The following DAB1 variants were observed in gnomAD, a reference collection of about 807,000 sequenced individuals.
DAB1 encodes the protein DAB adaptor protein 1.
Under a neutral mutation model 64.6 loss-of-function variants are expected in DAB1, and 15 were observed. The ratio of observed to expected loss-of-function variants is 0.23; its 90% CI spans 0.16 to 0.36. The LOEUF (loss-of-function observed/expected upper bound fraction) is 0.36. DAB1 is among the 10% of genes least tolerant of loss of function. The pLI, the probability that DAB1 is intolerant of heterozygous loss-of-function variation, is 1.00. For missense variants in DAB1, 596 were observed against 706.7 expected, an observed-to-expected ratio of 0.84 and a Z score of 1.78; for synonymous variants, 235 against 251.9, an observed-to-expected ratio of 0.93 and a Z score of 0.64.
intron 7 of DAB1, among the ~76,000 whole-genome samples, chr1:57,579,519 A>G (rs963418538): frequency 1.3e-5 from 2 of 152,168 alleles, no homozygotes; most frequent in African/African-American, 4.8e-5. Context: ...AATTAACATG[A>G]CTATTTTTAT....
intron 2 of DAB1, among the ~76,000 whole-genome samples, chr1:57,285,126 G>C (rs1672208291): frequency 6.6e-6 from 1 of 152,152 alleles, no homozygotes; most frequent in South Asian, 2.1e-4. Context: ...CTATTTCCAG[G>C]TGTTTCTAGA....
At chr1:57,918,095 A>C (rs1297810150) in intron 5 of DAB1, among the ~76,000 whole-genome samples, 3 of 150,494 alleles carry the variant, frequency 2.0e-5, no homozygotes, top group Admixed American at 1.3e-4. Context: ...ATAAATAAAT[A>C]AATAAATAAA....
At chr1:57,535,866 G>T (rs955419517) in intron 7 of DAB1, among the ~76,000 whole-genome samples, 4 of 152,168 alleles carry the variant, frequency 2.6e-5, no homozygotes, top group Admixed American at 2.6e-4. Flanking sequence ...AATTTAAAAT[G>T]CAATCTTATG....
chr1:57,301,842 A>G (rs1673688149), intron 1 of DAB1, among the ~76,000 whole-genome samples: 2 of 152,102 alleles, frequency 1.3e-5, no homozygotes, highest in African/African-American at 4.8e-5. Flanking sequence ...GGTCCCAGTG[A>G]CCATCAATAG....
chr1:57,571,383 A>C (rs1352693404), intron 7 of DAB1, among the ~76,000 whole-genome samples: 1 of 152,194 alleles, frequency 6.6e-6, no homozygotes, highest in Non-Finnish European at 1.5e-5. Flanking sequence ...CCCATTTTAC[A>C]GATGGGAAAA....
chr1:57,482,886 C>A lies in DAB1; in HGVS notation n.625+166706G>T, dbSNP rs192115507. On this transcript the variant is annotated intron_variant and non_coding_transcript_variant, in intron 7 of 20. Transcript: ENST00000485760. ...GTTTACAGTCTTTCAAATGTACTAC[C>A]CTGTCTTACTTCAACACAAAAGAGA... Among the ~76,000 whole-genome samples the A allele has an allele frequency of 1.5e-4, 23 of 152,182 alleles. No homozygotes were observed. The East Asian group carries it at 4.3e-3, about 28-fold the overall frequency.
At chr1:57,814,363 G>GC (rs1304264559) in intron 6 of DAB1, among the ~76,000 whole-genome samples, 1 of 152,180 alleles carries the variant, frequency 6.6e-6, no homozygotes, top group African/African-American at 2.4e-5. Context: ...GAAAACAGCA[G>GC]CAGCAGGGTT....
chr1:57,569,029 C>A (rs531067373), intron 7 of DAB1, among the ~76,000 whole-genome samples: 2 of 151,554 alleles, frequency 1.3e-5, no homozygotes, highest in Non-Finnish European at 2.9e-5. Flanking sequence ...GAGGCCGAGG[C>A]GGGCGGATCA....
intron 1 of DAB1, among the ~76,000 whole-genome samples, chr1:57,320,335 G>A (rs1366356069): frequency 6.6e-6 from 1 of 152,194 alleles, no homozygotes; most frequent in Non-Finnish European, 1.5e-5. Context: ...TTACAGCAGT[G>A]TGAAAACTGA....
At chr1:57,136,112 TC>T (rs1658057371) in intron 4 of DAB1, among the ~76,000 whole-genome samples, 1 of 152,184 alleles carries the variant, frequency 6.6e-6, no homozygotes, top group South Asian at 2.1e-4. Flanking sequence ...CTCCATTTAT[TC>T]TTTTTGATTA....
chr1:57,405,614 T>G (rs144608787), intron 1 of DAB1, among the ~76,000 whole-genome samples: 47 of 152,314 alleles, frequency 3.1e-4, no homozygotes, highest in African/African-American at 1.1e-3. Flanking sequence ...TAGCTTTTCT[T>G]GAAAAAGCCA....
intron 5 of DAB1, among the ~76,000 whole-genome samples, chr1:58,085,312 G>A (rs1161330410): frequency 1.3e-5 from 2 of 152,050 alleles, no homozygotes; most frequent in South Asian, 4.2e-4. Context: ...GCAAACCAGC[G>A]GCTCCATATA....
chr1:57,364,299 A>C (rs1029130536), intron 1 of DAB1, among the ~76,000 whole-genome samples: 2 of 152,204 alleles, frequency 1.3e-5, no homozygotes, highest in African/African-American at 2.4e-5. Context: ...GTCCAAATGA[A>C]AATTCCAAAA....
intron 2 of DAB1, among the ~76,000 whole-genome samples, chr1:57,189,632 C>G (rs1469163266): frequency 1.3e-5 from 2 of 152,054 alleles, no homozygotes; most frequent in Non-Finnish European, 2.9e-5. Flanking sequence ...AATGTCAAGC[C>G]TAGAGATACA....
At chr1:57,115,689 C>A (rs1332512476) in intron 4 of DAB1, among the ~76,000 whole-genome samples, 4 of 152,096 alleles carry the variant, frequency 2.6e-5, no homozygotes, top group Admixed American at 2.6e-4. Flanking sequence ...AAAAGGAGGG[C>A]TTTCAGTTGG....
intron 1 of DAB1, among the ~76,000 whole-genome samples, chr1:57,329,889 A>G (rs1266604317): frequency 6.6e-6 from 1 of 152,224 alleles, no homozygotes; most frequent in African/African-American, 2.4e-5. Context: ...GTATTAAGCT[A>G]AAGTATAACA....
intron 5 of DAB1, among the ~76,000 whole-genome samples, chr1:58,135,541 T>C (rs1157626981): frequency 1.3e-5 from 2 of 152,208 alleles, no homozygotes; most frequent in African/African-American, 2.4e-5. Context: ...TTTTTAAAGA[T>C]AATTTTAACT....
Position 57,233,255 on chromosome 1 carries a change from C to CTTTTTTTTTTTTT in DAB1, c.67+57696_67+57708dup, listed in dbSNP as rs1186221366. On this transcript the variant is annotated intron_variant, in intron 2 of 14. Coordinates refer to ENST00000371236, the MANE Select transcript of DAB1 (RefSeq NM_001365792.1). Reference sequence around the variant, plus strand: ...TGCAGCTTCAAGCTTTGCTCCGATTCTTTTTTTTTTTTTTTTTTTTTTTTT... The same window carrying CTTTTTTTTTTTTT: ...TGCAGCTTCAAGCTTTGCTCCGATTCTTTTTTTTTTTTTTTTTTTTTTTTTTTTTTTTTTTTTT... Among the ~76,000 whole-genome samples, 27 of 60,808 alleles carry CTTTTTTTTTTTTT rather than the reference C, an allele frequency of 4.4e-4. 2 individuals carry two copies. Among genetic ancestry groups the CTTTTTTTTTTTTT allele is most frequent in the South Asian group, 2.0e-3 (2 of 978 alleles). 39.9% of individuals were successfully genotyped at this position (60,808 alleles called of 152,430 possible).
chr1:57,049,944 G>T (rs982821779), intron 9 of DAB1, among the ~76,000 whole-genome samples: 1 of 152,238 alleles, frequency 6.6e-6, no homozygotes, highest in Admixed American at 6.5e-5. Flanking sequence ...TCTCCTGCAG[G>T]GGTTTAGCTT....
Sources: gnomAD v4.1 joint callset for allele counts (sites outside exome capture counted in the v4.1 genomes callset) on GRCh38, gnomAD v4.1.1 for gene constraint, MANE v1.5 for transcripts, NCBI Gene and HGNC (gene_info 2026-07-23, HGNC 2026-07-21) for gene names.